EBF1: variants seen among roughly 807,000 people sequenced by gnomAD.
EBF1 encodes the protein transcription factor COE1.
EBF1 carries 10 observed loss-of-function variants against 68.4 expected under a neutral mutation model. The observed-to-expected ratio is 0.15, with a 90% CI of 0.09 to 0.25. The LOEUF is 0.25. Among genes scored for constraint, EBF1 ranks in the 10% least tolerant of loss-of-function variants. The pLI is 1.00. For synonymous variants in EBF1, 298 were observed against 299.8 expected (o/e 0.99, Z 0.06); for missense variants, 509 against 794.4 (o/e 0.64, Z 4.32).
rs983692526 is a variant in EBF1 at position 158,827,177 on chromosome 5, A to G, written c.637-3860T>C. ...TGTCAATTTGTGGGTGATGTTAAAC[A>G]AGAAGTTCAAAAGAATGTGTCGGGT... On this transcript the variant is annotated intron_variant, in intron 7 of 15. Coordinates refer to ENST00000313708, the MANE Select transcript of EBF1 (RefSeq NM_024007.5). Among the ~76,000 whole-genome samples the G allele has an allele frequency of 6.6e-5, 10 of 152,216 alleles. 1 individual carries two copies. Among genetic ancestry groups the G allele is most frequent in the African/African-American group, 2.4e-4 (10 of 41,448 alleles).
intron 9 of EBF1, among the ~76,000 whole-genome samples, chr5:158,779,457 T>A (rs138619027): frequency 6.8e-4 from 103 of 152,310 alleles, no homozygotes; most frequent in Non-Finnish European, 1.1e-3. Context: ...ACTTTGTGTG[T>A]GTGTTTTCTG....
At chr5:158,885,912 A>G (rs1263081629) in intron 6 of EBF1, among the ~76,000 whole-genome samples, 1 of 152,204 alleles carries the variant, frequency 6.6e-6, no homozygotes, top group African/African-American at 2.4e-5. Context: ...TATTCTGCAA[A>G]GTACCTGTTG....
chr5:158,755,271 C>T (rs1272370803), intron 10 of EBF1, among the ~76,000 whole-genome samples: 9 of 152,000 alleles, frequency 5.9e-5, no homozygotes, highest in Non-Finnish European at 1.3e-4. Flanking sequence ...TTAAAGTAAT[C>T]TTTCCTACCC....
chr5:158,869,889 T>C (rs1325436485), intron 6 of EBF1, among the ~76,000 whole-genome samples: 1 of 152,192 alleles, frequency 6.6e-6, no homozygotes, highest in Non-Finnish European at 1.5e-5. Flanking sequence ...CTGAGGGTGA[T>C]ATTTATTCCT....
intron 6 of EBF1, among the ~76,000 whole-genome samples, chr5:158,855,524 C>T (rs370377959): frequency 1.3e-5 from 2 of 152,148 alleles, no homozygotes; most frequent in Admixed American, 6.5e-5. Flanking sequence ...CACCCTGGGT[C>T]CTGGAGGGAT....
At chr5:158,861,286 T>C (rs1424736515) in intron 6 of EBF1, among the ~76,000 whole-genome samples, 1 of 139,414 alleles carries the variant, frequency 7.2e-6, no homozygotes, top group South Asian at 2.1e-4. Flanking sequence ...CATTCATTTA[T>C]AAAAATGAAG....
At chr5:158,979,128 G>A (rs539693509) in intron 6 of EBF1, among the ~76,000 whole-genome samples, 2 of 152,210 alleles carry the variant, frequency 1.3e-5, no homozygotes, top group South Asian at 2.1e-4. Flanking sequence ...AGAAGAAAGT[G>A]AAAAAGGTTT....
chr5:159,030,623 G>A (rs1388521983), intron 6 of EBF1, among the ~76,000 whole-genome samples: 1 of 152,176 alleles, frequency 6.6e-6, no homozygotes, highest in African/African-American at 2.4e-5. Flanking sequence ...GGAGCAAGGG[G>A]AGCAAGAAAT....
chr5:158,880,995 G>A (rs754769637), intron 6 of EBF1, among the ~76,000 whole-genome samples: 2 of 151,932 alleles, frequency 1.3e-5, no homozygotes, highest in Non-Finnish European at 2.9e-5. Context: ...ATCACTTACA[G>A]ACTGCAAAGA....
At chr5:158,813,077 T>C (rs1258372023) in intron 8 of EBF1, among the ~76,000 whole-genome samples, 1 of 152,142 alleles carries the variant, frequency 6.6e-6, no homozygotes, top group Admixed American at 6.5e-5. Flanking sequence ...TAACAGCATT[T>C]CCCAAACTTC....
chr5:158,771,657 G>C lies in EBF1; in HGVS notation c.1036+5756C>G, dbSNP rs148199991. 2.2e-3 allele frequency among the ~76,000 whole-genome samples: 332 copies of C among 152,234 alleles called. 4 individuals carry two copies. Among genetic ancestry groups the C allele is most frequent in the African/African-American group, 7.8e-3 (325 of 41,562 alleles). On this transcript the variant is annotated intron_variant, in intron 10 of 15. Coordinates refer to ENST00000313708, the MANE Select transcript of EBF1 (RefSeq NM_024007.5). ...ATTTGTCTACCTATGAACAGAACAAGAGAACTAAGGACAAAAGGAAGTGAA... is the reference window on the plus strand; with the variant it reads ...ATTTGTCTACCTATGAACAGAACAACAGAACTAAGGACAAAAGGAAGTGAA...
intron 6 of EBF1, among the ~76,000 whole-genome samples, chr5:159,037,723 G>T (rs1770365149): frequency 6.7e-6 from 1 of 148,780 alleles, no homozygotes; most frequent in Non-Finnish European, 1.5e-5. Context: ...GAGTTAGTGG[G>T]TGCAGCACAC....
At chr5:158,812,946 A>G (rs1156824151) in intron 8 of EBF1, among the ~76,000 whole-genome samples, 6 of 152,118 alleles carry the variant, frequency 3.9e-5, no homozygotes, top group Non-Finnish European at 8.8e-5. Flanking sequence ...CAGTAAACTG[A>G]GCCTAAAGGA....
intron 7 of EBF1, among the ~76,000 whole-genome samples, chr5:158,826,296 T>C (rs1191479301): frequency 6.6e-6 from 1 of 152,238 alleles, no homozygotes; most frequent in Non-Finnish European, 1.5e-5. Flanking sequence ...TTTCTAGAAC[T>C]GCACTGTCCA....
intron 6 of EBF1, among the ~76,000 whole-genome samples, chr5:159,061,581 T>C (rs1439562835): frequency 2.0e-5 from 3 of 152,208 alleles, no homozygotes; most frequent in African/African-American, 7.2e-5. Context: ...CAGCTCTGTT[T>C]TCTTCCCCAC....
intron 15 of EBF1, among the ~76,000 whole-genome samples, chr5:158,703,595 G>A (rs1229818628): frequency 1.0e-5 from 1 of 96,416 alleles, no homozygotes; most frequent in African/African-American, 3.8e-5. Flanking sequence ...GACTAGAGTT[G>A]CTTTTTCAAA....
chr5:158,941,289 C>G, intron 6 of EBF1: 1 of 454,678 alleles, frequency 2.2e-6, no homozygotes, highest in South Asian at 1.6e-5. Flanking sequence ...ATCAGGAACA[C>G]GTACAAATAC....
intron 6 of EBF1, among the ~76,000 whole-genome samples, chr5:158,851,133 C>A (rs1056473556): frequency 1.3e-5 from 2 of 150,928 alleles, no homozygotes; most frequent in African/African-American, 2.4e-5. Context: ...ATAATCCCAG[C>A]AATTTGGGAG....
chr5:158,943,202 C>T (rs1040764154), intron 6 of EBF1, among the ~76,000 whole-genome samples: 1 of 152,052 alleles, frequency 6.6e-6, no homozygotes, highest in African/African-American at 2.4e-5. Context: ...CAAACAGAGG[C>T]CAGAATGACA....
Sources: allele counts gnomAD v4.1 joint callset (sites outside exome capture counted in the v4.1 genomes callset), GRCh38; gene constraint gnomAD v4.1.1; transcripts MANE v1.5; gene names NCBI Gene and HGNC (gene_info 2026-07-23, HGNC 2026-07-21).